The following MEP1B variants were observed in gnomAD, a reference collection of about 807,000 sequenced individuals.
MEP1B encodes N-benzoyl-L-tyrosyl-P-amino-benzoic acid hydrolase subunit beta.
MEP1B carries 80 observed loss-of-function variants against 84.6 expected under a neutral mutation model. The observed-to-expected ratio is 0.95, with a 90% confidence interval of 0.79 to 1.14. The LOEUF (loss-of-function observed/expected upper bound fraction) is 1.14. Ranked by LOEUF, MEP1B falls within the 50% of genes most tolerant of loss-of-function variation. The probability of loss-of-function intolerance (pLI) is 0.00; values close to 1 mark genes in which losing one functional copy is unlikely to be tolerated. For synonymous variants in MEP1B, 273 were observed against 288.1 expected, an observed-to-expected ratio of 0.95 and a Z score of 0.53; for missense variants, 766 against 855.1, an observed-to-expected ratio of 0.90 and a Z score of 1.30.
intron 12 of MEP1B, among the ~76,000 whole-genome samples, chr18:32,215,755 C>T (rs375840093): frequency 1.0e-3 from 156 of 152,102 alleles, no homozygotes; most frequent in African/African-American, 3.6e-3. Context: ...ACCCGGGAGG[C>T]GGAGCTTGCA....
chr18:32,212,220 G>A (rs755098707), intron 10 of MEP1B, among the ~76,000 whole-genome samples: 9 of 151,828 alleles, frequency 5.9e-5, no homozygotes, highest in Non-Finnish European at 1.3e-4. Context: ...CTGTGGGTTC[G>A]TCATTGATAC....
At chr18:32,195,589 G>C (rs1344292633) in intron 5 of MEP1B, 104 bp downstream of exon 5, 1 of 700,932 alleles carries the variant, frequency 1.4e-6, no homozygotes, top group Non-Finnish European at 2.3e-6. Flanking sequence ...GGTTTTGTTT[G>C]GTTTGCTCCT....
chr18:32,191,581 GT>G (rs986024124), intron 1 of MEP1B, among the ~76,000 whole-genome samples: 4 of 151,834 alleles, frequency 2.6e-5, no homozygotes, highest in African/African-American at 9.7e-5. Flanking sequence ...TTGGTTTCTT[GT>G]TTCCTTCACC....
intron 9 of MEP1B, among the ~76,000 whole-genome samples, chr18:32,209,069 T>C (rs148854963): frequency 2.4e-4 from 37 of 152,336 alleles, no homozygotes; most frequent in Admixed American, 1.0e-3. Flanking sequence ...AACTAATTTC[T>C]GTGGTAAGGG....
rs751259901 is a variant in MEP1B, at chr18:32,202,962, A to G, written c.320A>G (p.Lys107Arg). Reference protein sequence around the residue: ...RYRLKTCIDFKPWAGETNYIS... With the variant: ...RYRLKTCIDFRPWAGETNYIS... ...CGCCTTAAAACATGTATTGACTTTA[A>G]GCCTTGGGCTGGAGAAACAAACTAT... Residue 107 changes from lysine (K) to arginine (R), a missense_variant, in exon 6 of 15, where the codon AAG becomes AGG. By Grantham distance (26) the Lys-to-Arg change is conservative (BLOSUM62 2). Transcript: ENST00000269202. 6 of 1,612,746 alleles carry G rather than the reference A, an allele frequency of 3.7e-6. No homozygotes were observed. In the African/African-American group the frequency reaches 4.0e-5, roughly 11 times the overall value.
intron 4 of MEP1B, among the ~76,000 whole-genome samples, chr18:32,193,346 T>C (rs528340273): frequency 6.6e-6 from 1 of 152,250 alleles, no homozygotes; most frequent in African/African-American, 2.4e-5. Context: ...ACCTTGCAGG[T>C]AGATTAGGGG....
rs184676073 is a variant in MEP1B, at chr18:32,199,036, G to A, written c.250+3551G>A. Among the ~76,000 whole-genome samples the A allele has an allele frequency of 2.6e-5, 4 of 152,254 alleles. No homozygotes were observed. The East Asian group carries it at 7.7e-4, about 29-fold the overall frequency. On this transcript the variant is annotated intron_variant, in intron 5 of 14. Coordinates refer to ENST00000269202, the MANE Select transcript of MEP1B (RefSeq NM_005925.3). ...TCAGTCCTGGGTAGCTGAGGGCATGGTAACGTCTTCAACAAGAATGGAGAA... is the reference window on the plus strand; with the variant it reads ...TCAGTCCTGGGTAGCTGAGGGCATGATAACGTCTTCAACAAGAATGGAGAA...
chr18:32,205,098 TG>T (rs1215839893), intron 7 of MEP1B, among the ~76,000 whole-genome samples: 1 of 152,136 alleles, frequency 6.6e-6, no homozygotes, highest in Non-Finnish European at 1.5e-5. Flanking sequence ...CTGCTCTGAG[TG>T]TTTATTGGGT....
intron 5 of MEP1B, among the ~76,000 whole-genome samples, chr18:32,197,741 C>T (rs1409380389): frequency 2.0e-5 from 3 of 152,114 alleles, no homozygotes; most frequent in African/African-American, 7.2e-5. Context: ...TTTAAAATTT[C>T]AACTTTTATT....
chr18:32,202,863 A>T (rs1486291651), intron 5 of MEP1B, 30 bp from the exon 6 acceptor site: 1 of 1,416,760 alleles, frequency 7.1e-7, no homozygotes, highest in Admixed American at 1.9e-5. Context: ...TGTTTTAATA[A>T]GCTTATTTTT....
At chr18:32,216,055 AT>A (rs1320869648) in intron 12 of MEP1B, among the ~76,000 whole-genome samples, 1 of 149,252 alleles carries the variant, frequency 6.7e-6, no homozygotes, top group African/African-American at 2.5e-5. Context: ...TGTTAGACTA[AT>A]GTTAAATTTC....
chr18:32,203,977 G>A (rs2040938413), intron 6 of MEP1B, among the ~76,000 whole-genome samples: 1 of 152,098 alleles, frequency 6.6e-6, no homozygotes, highest in African/African-American at 2.4e-5. Context: ...CCAGCACTGG[G>A]AATTACAGTT....
At chr18:32,218,640 C>T (rs913038689) in intron 14 of MEP1B, among the ~76,000 whole-genome samples, 3 of 152,090 alleles carry the variant, frequency 2.0e-5, no homozygotes, top group African/African-American at 7.2e-5. Context: ...CTGGCCTGGG[C>T]AGAGGGTGAG....
At chr18:32,200,013 T>C (rs9955488) in intron 5 of MEP1B, among the ~76,000 whole-genome samples, 5,519 of 151,812 alleles carry the variant, frequency 0.036, 353 homozygotes, top group African/African-American at 0.13. Context: ...TAATTTTATA[T>C]ATATCTTAGG....
At chr18:32,218,646 G>A (rs2041118801) in intron 14 of MEP1B, among the ~76,000 whole-genome samples, 1 of 152,190 alleles carries the variant, frequency 6.6e-6, no homozygotes, top group African/African-American at 2.4e-5. Context: ...TGGGCAGAGG[G>A]TGAGGTTGGA....
At position 32,210,595 on chromosome 18, in the gene MEP1B, T is replaced by C; in HGVS notation, c.1014T>C (p.Phe338=). 1.2e-6 allele frequency: 2 copies of C among 1,614,028 alleles called. No individual in the cohort carries two copies. The highest frequency in any genetic ancestry group is 3.3e-5 in the Admixed American group (2 of 60,028). Residue 338 remains phenylalanine (F), a synonymous_variant, in exon 10 of 15, where the codon TTT becomes TTC. Transcript: ENST00000269202. ...ESRTLYPKRG[F]QCLQFYLYNS... is the part of the protein sequence containing the mutation. ...GAACGCTGTACCCTAAAAGAGGATT[T>C]CAGTGCCTGCAATTTTACTTATATA...
Position 32,215,179 on chromosome 18 carries a change from C to T in MEP1B, c.1677C>T (p.Thr559=). The T allele has an allele frequency of 1.2e-6, 2 of 1,612,382 alleles. No homozygotes were observed. Among genetic ancestry groups the T allele is most frequent in the Middle Eastern group, 1.7e-4 (1 of 6,056 alleles). ...TQFRRGGGYG[T]SAFITHERLK... ...TTAGAAGAGGTGGGGGCTATGGAAC[C>T]AGTGCCTTTATAACCCACGAAAGGC... Residue 559 remains threonine (T), a synonymous_variant, in exon 12 of 15, where the codon ACC becomes ACT. Coordinates refer to ENST00000269202, the MANE Select transcript of MEP1B (RefSeq NM_005925.3).
rs2040930172 is a variant in MEP1B, at chr18:32,203,173, T to C, written c.368+163T>C. The C allele has an allele frequency of 1.9e-5, 10 of 515,814 alleles. No individual in the cohort carries two copies. The South Asian group carries it at 2.5e-4, about 13-fold the overall frequency. 32.0% of individuals were successfully genotyped at this position (515,814 alleles called of 1,614,324 possible). ...CAACTGGATCTAGTTTTTGTAGACA[T>C]AGAAATTATATTCCCATACATGTAA... is the stretch of plus-strand genomic sequence containing the variant. On this transcript the variant is annotated intron_variant, in intron 6 of 14. Transcript: ENST00000269202.
At chr18:32,204,424 CTT>C (rs2040944470) in intron 7 of MEP1B, 64 bp downstream of exon 7, 4 of 1,354,124 alleles carry the variant, frequency 3.0e-6, no homozygotes, top group Admixed American at 4.1e-5. Flanking sequence ...TGTGTCCTCT[CTT>C]GTCATCTGTG....
Sources: allele counts gnomAD v4.1 joint callset (sites outside exome capture counted in the v4.1 genomes callset), GRCh38; gene constraint gnomAD v4.1.1; transcripts MANE v1.5; gene names NCBI Gene and HGNC (gene_info 2026-07-23, HGNC 2026-07-21).